The following CNTNAP2 variants were observed in gnomAD, a reference collection of about 807,000 sequenced individuals.
CNTNAP2 encodes contactin associated protein 2.
CNTNAP2 carries 98 observed loss-of-function variants against 155.2 expected under a neutral mutation model. The ratio of observed to expected loss-of-function variants is 0.63; its 90% CI spans 0.54 to 0.75. The LOEUF (loss-of-function observed/expected upper bound fraction) is 0.75. CNTNAP2 is among the 30% of genes least tolerant of loss of function. The pLI is 0.00. For synonymous variants in CNTNAP2, 651 were observed against 631.2 expected (o/e 1.03, Z -0.47); for missense variants, 1,727 against 1,688.1 (o/e 1.02, Z -0.40).
chr7:146,232,113 G>T (rs1393146487), intron 1 of CNTNAP2, among the ~76,000 whole-genome samples: 4 of 150,588 alleles, frequency 2.7e-5, no homozygotes, highest in African/African-American at 1.0e-4. Flanking sequence ...CCTGGGTCTG[G>T]ACTTCACCTA....
chr7:147,839,733 T>G (rs1798695264), intron 13 of CNTNAP2, among the ~76,000 whole-genome samples: 1 of 152,270 alleles, frequency 6.6e-6, no homozygotes, highest in East Asian at 1.9e-4. Flanking sequence ...GCAATCCTAC[T>G]ACTGGGCGTC....
At chr7:147,140,016 C>A (rs964768734) in intron 8 of CNTNAP2, among the ~76,000 whole-genome samples, 1 of 152,082 alleles carries the variant, frequency 6.6e-6, no homozygotes, top group African/African-American at 2.4e-5. Flanking sequence ...TCAGACCCTA[C>A]TTCTGGGAAC....
intron 1 of CNTNAP2, among the ~76,000 whole-genome samples, chr7:146,219,687 C>T (rs1044886152): frequency 2.6e-5 from 4 of 152,122 alleles, no homozygotes; most frequent in South Asian, 2.1e-4. Context: ...AATACCTTTG[C>T]ATGATTTATG....
intron 9 of CNTNAP2, among the ~76,000 whole-genome samples, chr7:147,304,137 T>C (rs762598277): frequency 1.4e-4 from 22 of 152,222 alleles, no homozygotes; most frequent in Non-Finnish European, 2.4e-4. Flanking sequence ...TGCTCCCTGC[T>C]AATGCCGGCA....
At chr7:147,461,783 G>T (rs7795278) in intron 10 of CNTNAP2, among the ~76,000 whole-genome samples, 118,424 of 151,648 alleles carry the variant, frequency 0.78, 46,586 homozygotes, top group African/African-American at 0.88. Flanking sequence ...CATAGAACAG[G>T]AACTACAGTA....
At chr7:147,047,265 C>T (rs537734582) in intron 4 of CNTNAP2, among the ~76,000 whole-genome samples, 48 of 136,062 alleles carry the variant, frequency 3.5e-4, no homozygotes, top group Non-Finnish European at 6.4e-4. Context: ...ACCACCACCA[C>T]GCCCGGCTAA....
At chr7:147,604,094 C>T (rs1290865514) in intron 12 of CNTNAP2, among the ~76,000 whole-genome samples, 31 of 152,196 alleles carry the variant, frequency 2.0e-4, no homozygotes, top group African/African-American at 6.3e-4. Context: ...AAGACTTAAA[C>T]GTTAGACCTA....
intron 1 of CNTNAP2, among the ~76,000 whole-genome samples, chr7:146,346,459 A>C (rs1794820353): frequency 6.6e-6 from 1 of 152,144 alleles, no homozygotes; most frequent in Non-Finnish European, 1.5e-5. Flanking sequence ...AGGTGGGTGG[A>C]TCATTTGAGG....
intron 8 of CNTNAP2, among the ~76,000 whole-genome samples, chr7:147,249,715 G>C (rs1362402687): frequency 6.6e-6 from 1 of 150,984 alleles, no homozygotes; most frequent in Non-Finnish European, 1.5e-5. Flanking sequence ...GTAAACTGAG[G>C]TTTTCAGTCT....
intron 13 of CNTNAP2, among the ~76,000 whole-genome samples, chr7:147,728,709 T>C (rs1295737412): frequency 6.6e-6 from 1 of 152,024 alleles, no homozygotes; most frequent in East Asian, 1.9e-4. Flanking sequence ...TTTGATTACA[T>C]TAAGACTTCT....
chr7:146,921,066 T>C (rs944225296), intron 3 of CNTNAP2, among the ~76,000 whole-genome samples: 3 of 152,168 alleles, frequency 2.0e-5, no homozygotes, highest in Non-Finnish European at 2.9e-5. Context: ...TCCATGAATA[T>C]ATCTTCTAGA....
At chr7:148,006,186 G>A (rs1232405647) in intron 15 of CNTNAP2, among the ~76,000 whole-genome samples, 4 of 152,110 alleles carry the variant, frequency 2.6e-5, no homozygotes, top group Admixed American at 2.0e-4. Flanking sequence ...CAGGTACAGG[G>A]GCAACAGTGC....
At chr7:146,723,284 C>G (rs1463042016) in intron 1 of CNTNAP2, among the ~76,000 whole-genome samples, 1 of 152,058 alleles carries the variant, frequency 6.6e-6, no homozygotes, top group Admixed American at 6.5e-5. Flanking sequence ...CCACCAGAAG[C>G]TAGAAGGGGA....
At chr7:147,103,609 T>C (rs1419313302) in intron 4 of CNTNAP2, among the ~76,000 whole-genome samples, 2 of 152,162 alleles carry the variant, frequency 1.3e-5, no homozygotes, top group South Asian at 2.1e-4. Context: ...GAAATATATA[T>C]GCTTTTACAA....
In CNTNAP2 at chr7:146,537,945, C is replaced by T. The variant is rs187251866; in HGVS notation, c.98-236326C>T. Reference sequence around the variant, plus strand: ...TGGCTGTCATGTGATTGATGTGAGACGCTATGGAAGGGATTTGAACACAGG... The same window carrying T: ...TGGCTGTCATGTGATTGATGTGAGATGCTATGGAAGGGATTTGAACACAGG... On this transcript the variant is annotated intron_variant, in intron 1 of 23. Transcript: ENST00000361727. Among the ~76,000 whole-genome samples, 255 of 152,020 alleles carry T rather than the reference C, an allele frequency of 1.7e-3. 1 individual carries two copies. Among genetic ancestry groups the T allele is most frequent in the African/African-American group, 5.9e-3 (243 of 41,464 alleles).
At chr7:147,531,604 C>T (rs1004987362) in intron 11 of CNTNAP2, among the ~76,000 whole-genome samples, 4 of 152,134 alleles carry the variant, frequency 2.6e-5, no homozygotes, top group South Asian at 2.1e-4. Flanking sequence ...GCACGTAGCA[C>T]GGGGAACCTG....
At chr7:147,173,284 CT>C (rs554520966) in intron 8 of CNTNAP2, among the ~76,000 whole-genome samples, 427 of 147,458 alleles carry the variant, frequency 2.9e-3, no homozygotes, top group Admixed American at 4.3e-3. Flanking sequence ...CCAAGTCCTA[CT>C]TTTTTTTTTT....
intron 1 of CNTNAP2, among the ~76,000 whole-genome samples, chr7:146,642,162 A>G (rs1799720146): frequency 6.7e-6 from 1 of 149,928 alleles, no homozygotes; most frequent in African/African-American, 2.5e-5. Flanking sequence ...TTTATTTTTT[A>G]ATTTTATTAT....
At chr7:147,963,619 CT>C (rs1232195741) in intron 14 of CNTNAP2, among the ~76,000 whole-genome samples, 1 of 152,124 alleles carries the variant, frequency 6.6e-6, no homozygotes, top group African/African-American at 2.4e-5. Context: ...ACATTATATT[CT>C]GTATTCCTAA....
Sources: allele counts gnomAD v4.1 joint callset (sites outside exome capture counted in the v4.1 genomes callset), GRCh38; gene constraint gnomAD v4.1.1; transcripts MANE v1.5; gene names NCBI Gene and HGNC (gene_info 2026-07-23, HGNC 2026-07-21).